WLS: variants seen among roughly 807,000 people sequenced by gnomAD.
The protein encoded by WLS is Wnt ligand secretion mediator.
WLS carries 23 observed loss-of-function variants against 62.8 expected under a neutral mutation model. The ratio of observed to expected loss-of-function variants is 0.37; its 90% CI spans 0.26 to 0.52. The LOEUF (loss-of-function observed/expected upper bound fraction) is 0.52, where lower values mean the gene tolerates loss of function less well. Ranked by LOEUF, WLS falls within the 20% of genes least tolerant of loss-of-function variation. WLS has a pLI of 0.92. For missense variants in WLS, 615 were observed against 697.3 expected (o/e 0.88, Z 1.33); for synonymous variants, 246 against 244.1 (o/e 1.01, Z -0.07).
chr1:68,127,193 CTA>C (rs1491581466), intron 11 of WLS: 5 of 242,494 alleles, frequency 2.1e-5, no homozygotes, highest in African/African-American at 4.7e-5. Flanking sequence ...GACTTTGACT[CTA>C]AAAAAATAAA....
intron 11 of WLS, among the ~76,000 whole-genome samples, chr1:68,110,957 T>A (rs1646221496): frequency 6.6e-6 from 1 of 152,148 alleles, no homozygotes; most frequent in African/African-American, 2.4e-5. Flanking sequence ...AAATTTAGAA[T>A]ATTTTTATAA....
chr1:68,108,514 A>G (rs114410943), intron 11 of WLS, among the ~76,000 whole-genome samples: 2,732 of 152,288 alleles, frequency 0.018, 69 homozygotes, highest in African/African-American at 0.062. Flanking sequence ...GCTATGGTCT[A>G]CACCAGATGC....
intron 1 of WLS, among the ~76,000 whole-genome samples, chr1:68,225,180 G>A (rs895180204): frequency 2.6e-4 from 40 of 151,906 alleles, no homozygotes; most frequent in African/African-American, 9.0e-4. Context: ...GAATGTGGGG[G>A]GTGGGGGGAA....
At chr1:68,217,274 C>A (rs1649767883) in intron 1 of WLS, among the ~76,000 whole-genome samples, 1 of 152,192 alleles carries the variant, frequency 6.6e-6, no homozygotes, top group African/African-American at 2.4e-5. Flanking sequence ...AGCCTGGTGA[C>A]CTCATGTGGT....
chr1:68,116,250 G>A (rs1646290085), intron 11 of WLS, among the ~76,000 whole-genome samples: 1 of 152,180 alleles, frequency 6.6e-6, no homozygotes, highest in Admixed American at 6.5e-5. Flanking sequence ...GGAGGAAGAG[G>A]ACAGGGACAA....
chr1:68,108,499 A>G lies in WLS; in HGVS notation c.1511-9746T>C, dbSNP rs572140754. 2.6e-5 allele frequency among the ~76,000 whole-genome samples: 4 copies of G among 152,130 alleles called. 1 individual carries two copies. In the East Asian group the frequency reaches 7.7e-4, roughly 29 times the overall value. ...TACCCACTCCAGCCACCCAGCCCAT[A>G]GTGTGCTATGGTCTACACCAGATGC... On this transcript the variant is annotated intron_variant, in intron 11 of 11. Coordinates refer to the WLS transcript ENST00000354777.
chr1:68,195,829 AAC>A (rs1648630205), intron 1 of WLS, among the ~76,000 whole-genome samples: 1 of 152,046 alleles, frequency 6.6e-6, no homozygotes, highest in Non-Finnish European at 1.5e-5. Flanking sequence ...CTAATATTTA[AAC>A]AGTTGATCCA....
intron 2 of WLS, among the ~76,000 whole-genome samples, chr1:68,190,551 C>T (rs551922768): frequency 1.0e-3 from 157 of 152,208 alleles, no homozygotes; most frequent in Non-Finnish European, 1.8e-3. Flanking sequence ...TGCCATGTTG[C>T]GAGGCAGTCT....
intron 11 of WLS, among the ~76,000 whole-genome samples, chr1:68,103,539 G>A (rs757329860): frequency 6.6e-6 from 1 of 152,196 alleles, no homozygotes; most frequent in Non-Finnish European, 1.5e-5. Context: ...CTGAGTGATT[G>A]GAGGCTGTAC....
chr1:68,159,048 T>G, intron 3 of WLS, 75 bp downstream of exon 3: 1 of 1,589,872 alleles, frequency 6.3e-7, no homozygotes. Flanking sequence ...GACACACCTA[T>G]GAAAAGTAAG....
chr1:68,188,899 C>T (rs563084605), intron 2 of WLS, among the ~76,000 whole-genome samples: 1 of 152,318 alleles, frequency 6.6e-6, no homozygotes, highest in African/African-American at 2.4e-5. Context: ...TTGTTAGTCA[C>T]TGAAGATGTT....
At position 68,148,672 on chromosome 1, in the gene WLS, C is replaced by A; in HGVS notation, c.973-12G>T. 1 of 1,612,508 alleles carries A rather than the reference C, an allele frequency of 6.2e-7. No homozygotes were observed. The highest frequency in any genetic ancestry group is 1.1e-5 in the South Asian group (1 of 90,578). On this transcript the variant is annotated splice_polypyrimidine_tract_variant and intron_variant, in intron 6 of 11. Transcript: ENST00000262348. ...CGCTCGTGCTGATCCTGAGGAAAAC[C>A]AAATTGAGAAGGGAGATAGAGGGGA...
intron 1 of WLS, among the ~76,000 whole-genome samples, chr1:68,207,678 G>T (rs2100640148): frequency 6.6e-6 from 1 of 152,272 alleles, no homozygotes; most frequent in South Asian, 2.1e-4. Flanking sequence ...GAAAAACTTG[G>T]GTTCAAATCC....
In WLS at chr1:68,232,266, T is replaced by C; in HGVS notation, c.34A>G (p.Lys12Glu). Residue 12 changes from lysine (K) to glutamate (E), a missense_variant, in exon 1 of 12, where the codon AAG (lysine) becomes GAG (glutamate). Coordinates refer to ENST00000262348, the MANE Select transcript of WLS (RefSeq NM_024911.7). Reference sequence around the variant, plus strand: ...ATCCCACCAACAATGCACAGCTTCTTGGTGCTCATGTTTTCTATAATTGCC... The same window carrying C: ...ATCCCACCAACAATGCACAGCTTCTCGGTGCTCATGTTTTCTATAATTGCC... Reference protein sequence around the residue: ...AGAIIENMSTKKLCIVGGILL... With the variant: ...AGAIIENMSTEKLCIVGGILL... 1 of 1,614,108 alleles carries C rather than the reference T, an allele frequency of 6.2e-7. No homozygotes were observed. The highest frequency in any genetic ancestry group is 8.5e-7 in the Non-Finnish European group (1 of 1,179,994).
intron 2 of WLS, among the ~76,000 whole-genome samples, chr1:68,179,627 G>C (rs1378080478): frequency 6.6e-6 from 1 of 152,216 alleles, no homozygotes; most frequent in Non-Finnish European, 1.5e-5. Context: ...AGTGCTTTAG[G>C]AAAATCAAGG....
intron 3 of WLS, 43 bp downstream of exon 3, chr1:68,159,080 G>C (rs376089028): frequency 1.2e-6 from 2 of 1,610,630 alleles, no homozygotes; most frequent in Admixed American, 1.7e-5. Flanking sequence ...ACATACCTGA[G>C]AACCAAATAA....
intron 11 of WLS, chr1:68,117,448 C>G (rs1570816447): frequency 6.6e-6 from 1 of 152,318 alleles, no homozygotes; most frequent in East Asian, 1.9e-4. Context: ...CTTTTGCCAA[C>G]AGGAGGCTCG....
At chr1:68,180,008 G>A (rs75215970) in intron 2 of WLS, among the ~76,000 whole-genome samples, 1,614 of 146,142 alleles carry the variant, frequency 0.011, 26 homozygotes, top group African/African-American at 0.038. Context: ...AGTAGAGGTG[G>A]TGGAACATGC....
At chr1:68,127,026 A>T (rs545041768) in intron 11 of WLS, 1 of 272,510 alleles carries the variant, frequency 3.7e-6, no homozygotes, top group Non-Finnish European at 7.4e-6. Context: ...CCCTGACTCT[A>T]AAAAAAAAAT....
Sources: gnomAD v4.1 joint callset for allele counts (sites outside exome capture counted in the v4.1 genomes callset) on GRCh38, gnomAD v4.1.1 for gene constraint, MANE v1.5 for transcripts, NCBI Gene and HGNC (gene_info 2026-07-23, HGNC 2026-07-21) for gene names.